Variants in CRACDL observed in about 807,000 individuals in gnomAD.
CRACDL encodes CRACD like.
In CRACDL, 26 loss-of-function variants were observed where a neutral mutation model predicts 70.6. The ratio of observed to expected loss-of-function variants is 0.37; its 90% confidence interval spans 0.27 to 0.51. CRACDL has a LOEUF of 0.51. Among genes scored for constraint, CRACDL ranks in the 20% least tolerant of loss-of-function variants. CRACDL has a pLI of 0.94. For missense variants in CRACDL, 1,283 were observed against 1,376.9 expected (o/e 0.93, Z 1.08); for synonymous variants, 618 against 615.2 (o/e 1.00, Z -0.07).
At chr2:98,817,730 G>C (rs920589515) in intron 7 of CRACDL, among the ~76,000 whole-genome samples, 8 of 152,194 alleles carry the variant, frequency 5.3e-5, no homozygotes, top group African/African-American at 1.7e-4. Context: ...GCATGAATGA[G>C]TGAGTACTGG....
Position 98,797,520 on chromosome 2 carries a change from C to T in CRACDL, c.2434G>A (p.Ala812Thr). ...RRGAEKSLPP[A>T]ATGPGADGQP... is the part of the protein sequence containing the mutation. ...CCATCAGCTCCAGGCCCTGTTGCTG[C>T]AGGCGGCAGACTCTTTTCTGTTGGG... is the stretch of plus-strand genomic sequence containing the variant. The change falls in exon 8 of 10, where the codon GCA becomes ACA. Residue 812 changes from alanine (A) to threonine (T), a missense_variant. By Grantham distance (58) the Ala-to-Thr change is moderately conservative. This residue lies in a region of CRACDL where 921 missense variants were observed against 881.9 expected (regional missense o/e 1.04). Transcript: ENST00000397899. 1 of 1,613,942 alleles carries T rather than the reference C, an allele frequency of 6.2e-7. No individual in the cohort carries two copies. The highest frequency in any genetic ancestry group is 2.2e-5 in the East Asian group (1 of 44,882).
intron 7 of CRACDL, among the ~76,000 whole-genome samples, chr2:98,816,900 C>T (rs975604071): frequency 6.6e-6 from 1 of 152,078 alleles, no homozygotes; most frequent in Non-Finnish European, 1.5e-5. Context: ...ATATTAACAC[C>T]CCCTGTTCAC....
intron 7 of CRACDL, among the ~76,000 whole-genome samples, chr2:98,799,350 G>A (rs994921536): frequency 1.3e-5 from 2 of 152,058 alleles, no homozygotes; most frequent in Non-Finnish European, 2.9e-5. Context: ...TACAAGCGGG[G>A]TGGCCACTGC....
intron 1 of CRACDL, among the ~76,000 whole-genome samples, chr2:98,880,545 C>T (rs941992090): frequency 6.6e-6 from 1 of 152,214 alleles, no homozygotes; most frequent in African/African-American, 2.4e-5. Flanking sequence ...CTTCTCTGGG[C>T]ATCCTGAGTC....
Position 98,832,908 on chromosome 2 carries a change from C to G in CRACDL, c.329G>C (p.Arg110Pro). The change falls in exon 4 of 10, where the codon CGG becomes CCG. Residue 110 changes from arginine to proline, a missense_variant. Arg to Pro is a moderately radical substitution (Grantham distance 103). Around this residue, in one of 2 missense-constraint regions of CRACDL, gnomAD observed 362 missense variants for 495.0 expected, o/e 0.73. Transcript: ENST00000397899. ...ACACACATTTTCTTGGGAAAACACC[C>G]GCACAGGCCGAGTAGCGTCCTGTCC... is the stretch of plus-strand genomic sequence containing the variant. ...ESGQDATRPV[R>P]VFSQENVCDR... The G allele has an allele frequency of 6.2e-7, 1 of 1,614,196 alleles. No homozygotes were observed.
chr2:98,798,848 C>T (rs931344219), intron 7 of CRACDL, among the ~76,000 whole-genome samples: 2 of 152,018 alleles, frequency 1.3e-5, no homozygotes, highest in Admixed American at 6.6e-5. Context: ...TGCACCATCA[C>T]GCCCAGTGAA....
intron 1 of CRACDL, among the ~76,000 whole-genome samples, chr2:98,929,890 G>GCAC (rs1368186289): frequency 1.3e-5 from 2 of 152,096 alleles, no homozygotes; most frequent in East Asian, 3.9e-4. Flanking sequence ...TATTCATGAA[G>GCAC]CACCACATGG....
intron 1 of CRACDL, among the ~76,000 whole-genome samples, chr2:98,855,555 A>T (rs1031242077): frequency 6.6e-6 from 1 of 152,206 alleles, no homozygotes; most frequent in African/African-American, 2.4e-5. Context: ...AAAAAAGGGA[A>T]GCAGTAATTT....
At chr2:98,919,526 C>T (rs1708749388) in intron 1 of CRACDL, among the ~76,000 whole-genome samples, 1 of 152,208 alleles carries the variant, frequency 6.6e-6, no homozygotes, top group East Asian at 1.9e-4. Flanking sequence ...CCCTTAACTA[C>T]TTACTTACCT....
At chr2:98,885,019 T>C (rs1707765015) in intron 1 of CRACDL, among the ~76,000 whole-genome samples, 1 of 152,152 alleles carries the variant, frequency 6.6e-6, no homozygotes, top group Non-Finnish European at 1.5e-5. Context: ...CTGAGTCAGC[T>C]TCAGCTCAAA....
At chr2:98,838,356 C>T in intron 2 of CRACDL, 69 bp from the exon 3 acceptor site, 1 of 846,572 alleles carries the variant, frequency 1.2e-6, no homozygotes, top group Non-Finnish European at 1.8e-6. Flanking sequence ...ATGTATGCAA[C>T]AGGCACGTAA....
chr2:98,850,201 A>G (rs4851163), intron 1 of CRACDL, among the ~76,000 whole-genome samples: 74,179 of 151,808 alleles, frequency 0.49, 19,233 homozygotes, highest in African/African-American at 0.67. Context: ...CCCACCGCCC[A>G]ATGGGCTCAA....
At chr2:98,797,034 A>G (rs1208150337) in intron 8 of CRACDL, among the ~76,000 whole-genome samples, 4 of 152,144 alleles carry the variant, frequency 2.6e-5, no homozygotes, top group Admixed American at 2.6e-4. Flanking sequence ...CCATTTTTCT[A>G]GATGCTGAGC....
At chr2:98,840,637 G>C (rs1307726499) in intron 2 of CRACDL, 1 of 152,036 alleles carries the variant, frequency 6.6e-6, no homozygotes, top group African/African-American at 2.4e-5. Flanking sequence ...TTTATCTTTA[G>C]TTGTCAATTT....
chr2:98,928,924 T>C (rs1056413342), intron 1 of CRACDL, among the ~76,000 whole-genome samples: 13 of 152,164 alleles, frequency 8.5e-5, no homozygotes, highest in Non-Finnish European at 1.3e-4. Context: ...CCCGTAGAAA[T>C]GATCACAGCT....
intron 9 of CRACDL, among the ~76,000 whole-genome samples, chr2:98,795,692 T>G (rs370054498): frequency 1.3e-5 from 2 of 152,198 alleles, no homozygotes; most frequent in East Asian, 1.9e-4. Flanking sequence ...TGTCCCCTGG[T>G]GTATGCAGGG....
At position 98,814,549 on chromosome 2, in the gene CRACDL, C is replaced by T. The variant is rs577785822; in HGVS notation, c.2416+7308G>A. On this transcript the variant is annotated intron_variant, in intron 7 of 9. Coordinates refer to ENST00000397899, the MANE Select transcript of CRACDL (RefSeq NM_207362.3). ...AAGCTTTGAATAATTTCAATTCTTT[C>T]GAATTTAATAAGGGCTGTTTAGTGA... 8.5e-3 allele frequency among the ~76,000 whole-genome samples: 1,293 copies of T among 152,184 alleles called. 12 individuals carry two copies. Among genetic ancestry groups the T allele is most frequent in the Non-Finnish European group, 0.014 (938 of 67,982 alleles).
At chr2:98,824,513 G>T (rs1007863975) in intron 6 of CRACDL, among the ~76,000 whole-genome samples, 1 of 152,044 alleles carries the variant, frequency 6.6e-6, no homozygotes, top group Admixed American at 6.6e-5. Flanking sequence ...CTGCTCTCTC[G>T]GGAAGGAAAG....
At chr2:98,870,845 T>C (rs1707314276) in intron 1 of CRACDL, among the ~76,000 whole-genome samples, 1 of 152,106 alleles carries the variant, frequency 6.6e-6, no homozygotes, top group African/African-American at 2.4e-5. Context: ...CAGCACTCTG[T>C]CCCCGTGGAA....
Sources: allele counts gnomAD v4.1 joint callset (sites outside exome capture counted in the v4.1 genomes callset), GRCh38; gene constraint gnomAD v4.1.1; regional missense constraint gnomAD v4.1.1; transcripts MANE v1.5; gene names NCBI Gene and HGNC (gene_info 2026-07-23, HGNC 2026-07-21).